MMP16: variants seen among roughly 807,000 people sequenced by gnomAD.
The protein encoded by MMP16 is matrix metallopeptidase 16.
A neutral mutation model predicts 67.8 loss-of-function variants in MMP16; 12 were observed. That is an observed-to-expected ratio of 0.18 (90% CI 0.11 to 0.29). MMP16 has a LOEUF of 0.29. Among genes scored for constraint, MMP16 ranks in the 10% least tolerant of loss-of-function variants. The probability of loss-of-function intolerance (pLI) is 1.00; values close to 1 mark genes in which losing one functional copy is unlikely to be tolerated. For synonymous variants in MMP16, 249 were observed against 255.9 expected (o/e 0.97, Z 0.26); for missense variants, 475 against 765.7 (o/e 0.62, Z 4.48).
rs1809751941 is a variant in MMP16 at position 88,225,297 on chromosome 8, GAC to G, written c.133-27993_133-27992del. Among the ~76,000 whole-genome samples the G allele has an allele frequency of 2.6e-5, 4 of 151,794 alleles. No homozygotes were observed. The South Asian group carries it at 8.3e-4, about 32-fold the overall frequency. On this transcript the variant is annotated intron_variant, in intron 1 of 9. Transcript: ENST00000286614. Reference sequence around the variant, plus strand: ...AACACTTCACATGAAATGTTTCTATGACACATTAAAAATGCATACAGACTGTG... The same window carrying G: ...AACACTTCACATGAAATGTTTCTATGACATTAAAAATGCATACAGACTGTG...
intron 4 of MMP16, among the ~76,000 whole-genome samples, chr8:88,134,248 T>C (rs2118483096): frequency 6.6e-6 from 1 of 151,838 alleles, no homozygotes; most frequent in East Asian, 1.9e-4. Flanking sequence ...TCTCCCTTGG[T>C]CCACTAAAAT....
intron 7 of MMP16, among the ~76,000 whole-genome samples, chr8:88,061,131 C>T (rs1012917661): frequency 2.9e-4 from 9 of 31,036 alleles, no homozygotes; most frequent in African/African-American, 2.1e-3. Context: ...ATATTATACA[C>T]ACACACACAC....
chr8:88,180,330 T>TAA (rs71277979), intron 3 of MMP16, among the ~76,000 whole-genome samples: 12 of 142,298 alleles, frequency 8.4e-5, no homozygotes, highest in Admixed American at 6.1e-4. Context: ...CAGCACAGAG[T>TAA]AAAAAAAAAC....
intron 4 of MMP16, among the ~76,000 whole-genome samples, chr8:88,136,070 C>T (rs547599299): frequency 2.0e-5 from 3 of 151,810 alleles, no homozygotes; most frequent in Admixed American, 6.6e-5. Context: ...AAGAGTAACT[C>T]GGAATAGTTC....
chr8:88,201,141 CCCCAAAAA>C (rs1809337454), intron 1 of MMP16, among the ~76,000 whole-genome samples: 1 of 85,426 alleles, frequency 1.2e-5, no homozygotes, highest in Non-Finnish European at 2.1e-5. Context: ...TCCTTTCCCC[CCCCAAAAA>C]AAAAAAAAAA....
chr8:88,304,304 A>G (rs1267249971), intron 1 of MMP16, among the ~76,000 whole-genome samples: 1 of 152,206 alleles, frequency 6.6e-6, no homozygotes, highest in Non-Finnish European at 1.5e-5. Flanking sequence ...ATGTAAAGAG[A>G]CTGAACCTTC....
chr8:88,157,219 T>C (rs536360947), intron 4 of MMP16, among the ~76,000 whole-genome samples: 7 of 152,246 alleles, frequency 4.6e-5, no homozygotes, highest in Admixed American at 1.3e-4. Context: ...GTACCAGATA[T>C]GTACAGACTC....
rs898640704 is a variant in MMP16, at chr8:88,032,587, T to A, written c.*8874A>T. The A allele has an allele frequency of 6.6e-6, 1 of 152,124 alleles. No homozygotes were observed. The highest frequency in any genetic ancestry group is 2.4e-5 in the African/African-American group (1 of 41,450). 9.4% of individuals were successfully genotyped at this position (152,124 alleles called of 1,614,324 possible). A position where few individuals can be genotyped will look rare whatever the true frequency, so the allele number is the denominator to read the frequency against. Reference sequence around the variant, plus strand: ...TCAATAAAATCAATGAAAAAATTAATTTAAGCACCACAAAATTTTGCCTGA... The same window carrying A: ...TCAATAAAATCAATGAAAAAATTAAATTAAGCACCACAAAATTTTGCCTGA... On this transcript the variant is annotated 3_prime_UTR_variant, in exon 10 of 10. Transcript: ENST00000286614.
chr8:88,094,597 GTTTATAAAATAT>G (rs1263083016), intron 6 of MMP16, among the ~76,000 whole-genome samples: 1 of 151,334 alleles, frequency 6.6e-6, no homozygotes, highest in African/African-American at 2.4e-5. Flanking sequence ...TATATTTATA[GTTTATAAAATAT>G]TTTATAAAAT....
At chr8:88,319,381 T>C (rs1811424000) in intron 1 of MMP16, among the ~76,000 whole-genome samples, 1 of 152,026 alleles carries the variant, frequency 6.6e-6, no homozygotes, top group Non-Finnish European at 1.5e-5. Flanking sequence ...TCATAATTTT[T>C]CCCAACTTCT....
At chr8:88,111,617 A>C (rs141970346) in intron 6 of MMP16, among the ~76,000 whole-genome samples, 87 of 151,818 alleles carry the variant, frequency 5.7e-4, no homozygotes, top group South Asian at 1.7e-3. Context: ...GCTTTTATTC[A>C]AGTCAGTTAT....
intron 1 of MMP16, among the ~76,000 whole-genome samples, chr8:88,238,261 C>A (rs924935566): frequency 6.6e-6 from 1 of 152,102 alleles, no homozygotes; most frequent in South Asian, 2.1e-4. Context: ...GCCTGTAATC[C>A]CAGCATGTTG....
At chr8:88,241,130 G>A (rs917640243) in intron 1 of MMP16, among the ~76,000 whole-genome samples, 4 of 150,526 alleles carry the variant, frequency 2.7e-5, no homozygotes, top group African/African-American at 9.7e-5. Context: ...ATAGAACTGG[G>A]ATAGTTCTTA....
chr8:88,308,488 T>C (rs1160562491), intron 1 of MMP16, among the ~76,000 whole-genome samples: 1 of 152,072 alleles, frequency 6.6e-6, no homozygotes, highest in Non-Finnish European at 1.5e-5. Context: ...CATAGATCAA[T>C]GGCATTTGTC....
chr8:88,140,426 C>A (rs1465191377), intron 4 of MMP16, among the ~76,000 whole-genome samples: 1 of 152,136 alleles, frequency 6.6e-6, no homozygotes, highest in Non-Finnish European at 1.5e-5. Context: ...AGAAGGGAGT[C>A]ACTAAGTATG....
At chr8:88,270,382 G>A (rs1810546239) in intron 1 of MMP16, among the ~76,000 whole-genome samples, 2 of 152,128 alleles carry the variant, frequency 1.3e-5, no homozygotes, top group Non-Finnish European at 2.9e-5. Flanking sequence ...AACTGGTACA[G>A]GAATCAGTGA....
chr8:88,135,912 T>C (rs1366836616), intron 4 of MMP16, among the ~76,000 whole-genome samples: 1 of 151,894 alleles, frequency 6.6e-6, no homozygotes, highest in Non-Finnish European at 1.5e-5. Flanking sequence ...TCAGTATTAA[T>C]GCTCTTACAG....
At chr8:88,149,802 C>T (rs1222522359) in intron 4 of MMP16, among the ~76,000 whole-genome samples, 12 of 150,970 alleles carry the variant, frequency 7.9e-5, no homozygotes, top group South Asian at 2.1e-4. Context: ...AAAAGCAGAG[C>T]GCCTCTCCTC....
chr8:88,114,816 C>A (rs974938497), intron 6 of MMP16, among the ~76,000 whole-genome samples: 2 of 151,828 alleles, frequency 1.3e-5, no homozygotes, highest in African/African-American at 4.8e-5. Flanking sequence ...AGGAAGCAGG[C>A]CTTAGTTATA....
Sources: allele counts gnomAD v4.1 joint callset (sites outside exome capture counted in the v4.1 genomes callset), GRCh38; gene constraint gnomAD v4.1.1; transcripts MANE v1.5; gene names NCBI Gene and HGNC (gene_info 2026-07-23, HGNC 2026-07-21).